FMN2: variants seen among roughly 807,000 people sequenced by gnomAD.
The protein encoded by FMN2 is formin 2, also known as formin-2.
In FMN2, 51 loss-of-function variants were observed where a neutral mutation model predicts 142.3. That is an observed-to-expected ratio of 0.36 (90% CI 0.29 to 0.45). FMN2 has a LOEUF of 0.45. Among genes scored for constraint, FMN2 ranks in the 20% least tolerant of loss-of-function variants. The pLI is 1.00. For missense variants in FMN2, 1,936 were observed against 2,122.8 expected, an observed-to-expected ratio of 0.91 and a Z score of 1.73; for synonymous variants, 882 against 869.8, an observed-to-expected ratio of 1.01 and a Z score of -0.25.
chr1:240,239,894 A>G (rs1162789252), intron 6 of FMN2, among the ~76,000 whole-genome samples: 1 of 152,188 alleles, frequency 6.6e-6, no homozygotes, highest in Admixed American at 6.5e-5. Context: ...AATTTCTCAT[A>G]GGCATTTTGT....
chr1:240,220,930 A>G (rs1340280501), intron 6 of FMN2, among the ~76,000 whole-genome samples: 1 of 151,750 alleles, frequency 6.6e-6, no homozygotes, highest in East Asian at 1.9e-4. Flanking sequence ...ATGTGTTCTC[A>G]TTGTTCAACT....
intron 9 of FMN2, 82 bp from the exon 10 acceptor site, chr1:240,329,257 A>C: frequency 6.3e-6 from 10 of 1,596,554 alleles, no homozygotes; most frequent in Non-Finnish European, 8.6e-6. Context: ...TCTTCAGTGC[A>C]TACTTGTTGT....
In FMN2 at chr1:240,212,947, TTG is replaced by T. The variant is rs569647856; in HGVS notation, c.4065+1714_4065+1715del. 2.7e-3 allele frequency among the ~76,000 whole-genome samples: 410 copies of T among 152,186 alleles called. 3 individuals are homozygous for T. In the South Asian group the frequency reaches 0.027, roughly 10 times the overall value. On this transcript the variant is annotated intron_variant, in intron 6 of 17. Transcript: ENST00000319653. ...ACCCCTTTTGTTTTTTTGTGTTTTT[TTG>T]TTTGTTTGTTTTTGTTTGTTTGTTT...
chr1:240,282,389 G>A (rs1558410364), intron 7 of FMN2, among the ~76,000 whole-genome samples: 2 of 152,168 alleles, frequency 1.3e-5, no homozygotes, highest in Admixed American at 1.3e-4. Context: ...CAGTAAACAT[G>A]TTACTGTTTA....
At chr1:240,158,223 C>T (rs1331982074) in intron 2 of FMN2, among the ~76,000 whole-genome samples, 3 of 152,044 alleles carry the variant, frequency 2.0e-5, no homozygotes, top group African/African-American at 7.2e-5. Flanking sequence ...AAAACAAAAC[C>T]AAACCAAAAA....
intron 4 of FMN2, among the ~76,000 whole-genome samples, chr1:240,204,801 C>T (rs1666268808): frequency 6.6e-6 from 1 of 152,006 alleles, no homozygotes; most frequent in Non-Finnish European, 1.5e-5. Context: ...AAAAAGGTGC[C>T]CTAAAGATTT....
chr1:240,254,167 C>T (rs1049762692), intron 6 of FMN2, among the ~76,000 whole-genome samples: 6 of 152,006 alleles, frequency 3.9e-5, no homozygotes, highest in African/African-American at 1.4e-4. Flanking sequence ...CAGTGGGCAT[C>T]GTGCTGAGGG....
intron 2 of FMN2, among the ~76,000 whole-genome samples, chr1:240,131,241 C>T (rs1022667146): frequency 5.9e-5 from 9 of 152,046 alleles, no homozygotes; most frequent in Non-Finnish European, 1.3e-4. Flanking sequence ...TGTTCAATGC[C>T]CTTTGCCTGT....
At chr1:240,313,924 A>G (rs185653806) in intron 8 of FMN2, among the ~76,000 whole-genome samples, 74 of 152,262 alleles carry the variant, frequency 4.9e-4, no homozygotes, top group Admixed American at 9.8e-4. Context: ...CAGTGAGCCA[A>G]GATTGAGCCA....
intron 15 of FMN2, among the ~76,000 whole-genome samples, chr1:240,406,959 G>A (rs573235172): frequency 6.6e-6 from 1 of 152,146 alleles, no homozygotes; most frequent in East Asian, 1.9e-4. Context: ...TTTTTTCATT[G>A]TGAGAGCGTT....
chr1:240,409,589 T>A (rs980823875), intron 15 of FMN2, among the ~76,000 whole-genome samples: 2 of 152,222 alleles, frequency 1.3e-5, no homozygotes, highest in Non-Finnish European at 2.9e-5. Flanking sequence ...AGATATGAAT[T>A]CCCAATGTAA....
chr1:240,397,998 CT>C (rs35919747), intron 15 of FMN2, among the ~76,000 whole-genome samples: 422 of 140,722 alleles, frequency 3.0e-3, no homozygotes, highest in African/African-American at 4.7e-3. Flanking sequence ...TAGGCAAGAT[CT>C]TTTTTTTTTT....
chr1:240,133,014 C>G (rs914109090), intron 2 of FMN2, among the ~76,000 whole-genome samples: 8 of 152,142 alleles, frequency 5.3e-5, no homozygotes, highest in Non-Finnish European at 1.0e-4. Flanking sequence ...GAGAGGGGTG[C>G]AACTAGCTTC....
At chr1:240,286,076 G>A (rs774028421) in intron 7 of FMN2, among the ~76,000 whole-genome samples, 9 of 151,940 alleles carry the variant, frequency 5.9e-5, no homozygotes, top group African/African-American at 2.2e-4. Flanking sequence ...GTTTTTTGTC[G>A]GGTATTCACC....
chr1:240,410,748 G>A (rs371246442), intron 15 of FMN2, among the ~76,000 whole-genome samples: 6 of 152,162 alleles, frequency 3.9e-5, no homozygotes, highest in South Asian at 2.1e-4. Flanking sequence ...TGTTATCGTC[G>A]TGTTTTTACA....
intron 13 of FMN2, among the ~76,000 whole-genome samples, chr1:240,337,278 G>A (rs1377841333): frequency 3.5e-5 from 5 of 142,904 alleles, no homozygotes; most frequent in African/African-American, 1.1e-4. Flanking sequence ...GCACAATCTC[G>A]GCTCACTGCA....
intron 6 of FMN2, among the ~76,000 whole-genome samples, chr1:240,252,225 G>A (rs1322721244): frequency 6.6e-6 from 1 of 152,066 alleles, no homozygotes. Context: ...ACTGATTTCT[G>A]ATTGCTTTGT....
chr1:240,375,635 A>T (rs1384507704), intron 14 of FMN2, among the ~76,000 whole-genome samples: 1 of 152,164 alleles, frequency 6.6e-6, no homozygotes. Context: ...CTTCAGAGGC[A>T]TTCTTAACTC....
intron 2 of FMN2, chr1:240,144,514 C>T: frequency 6.7e-7 from 1 of 1,499,538 alleles, no homozygotes; most frequent in South Asian, 1.1e-5. Context: ...TCTGTACTAC[C>T]ACATCCTCGC....
Sources: gnomAD v4.1 joint callset for allele counts (sites outside exome capture counted in the v4.1 genomes callset) on GRCh38, gnomAD v4.1.1 for gene constraint, MANE v1.5 for transcripts, NCBI Gene and HGNC (gene_info 2026-07-23, HGNC 2026-07-21) for gene names.